The following STXBP5L variants were observed in gnomAD, a reference collection of about 807,000 sequenced individuals.
The protein encoded by STXBP5L is syntaxin binding protein 5L, also known as syntaxin-binding protein 5-like.
A neutral mutation model predicts 144.5 loss-of-function variants in STXBP5L; 65 were observed. That is an observed-to-expected ratio of 0.45 (90% CI 0.37 to 0.55). STXBP5L has a LOEUF of 0.55. Among genes scored for constraint, STXBP5L ranks in the 20% least tolerant of loss-of-function variants. STXBP5L has a pLI of 0.00. For synonymous variants in STXBP5L, 505 were observed against 469.6 expected (o/e 1.08, Z -0.97); for missense variants, 1,298 against 1,405.5 (o/e 0.92, Z 1.22).
At chr3:120,947,473 C>A (rs1710934827) in intron 2 of STXBP5L, among the ~76,000 whole-genome samples, 1 of 151,664 alleles carries the variant, frequency 6.6e-6, no homozygotes, top group Admixed American at 6.6e-5. Flanking sequence ...AAATATAACC[C>A]ACCCACCATA....
chr3:120,927,009 C>A (rs1217300697), intron 2 of STXBP5L, among the ~76,000 whole-genome samples: 1 of 150,670 alleles, frequency 6.6e-6, no homozygotes, highest in East Asian at 1.9e-4. Context: ...GATCTTGGCT[C>A]ACTGCAACCT....
intron 5 of STXBP5L, among the ~76,000 whole-genome samples, chr3:121,057,015 T>G (rs1162203205): frequency 6.6e-6 from 1 of 150,726 alleles, no homozygotes; most frequent in Non-Finnish European, 1.5e-5. Context: ...TTACACACAA[T>G]ATATTGTTAA....
At chr3:120,967,906 A>G (rs7634353) in intron 3 of STXBP5L, among the ~76,000 whole-genome samples, 2 of 152,014 alleles carry the variant, frequency 1.3e-5, no homozygotes, top group African/African-American at 4.8e-5. Flanking sequence ...GATTTTGTAC[A>G]GTTTCTGATA....
chr3:121,210,034 G>T (rs980636614), intron 10 of STXBP5L, among the ~76,000 whole-genome samples: 3 of 152,170 alleles, frequency 2.0e-5, no homozygotes, highest in Non-Finnish European at 4.4e-5. Flanking sequence ...GGTTGAACTA[G>T]TTTACAGTCC....
chr3:121,203,817 G>A (rs1170627454), intron 9 of STXBP5L, among the ~76,000 whole-genome samples: 4 of 152,174 alleles, frequency 2.6e-5, no homozygotes, highest in Non-Finnish European at 5.9e-5. Flanking sequence ...GTGAAGTGCT[G>A]GATGGAAAAG....
chr3:120,912,970 C>T (rs1173825944), intron 2 of STXBP5L, among the ~76,000 whole-genome samples: 1 of 151,912 alleles, frequency 6.6e-6, no homozygotes, highest in Non-Finnish European at 1.5e-5. Flanking sequence ...TACTTTCATA[C>T]GATTGGATAA....
chr3:121,063,774 C>T (rs568740333), intron 5 of STXBP5L, among the ~76,000 whole-genome samples: 4 of 152,156 alleles, frequency 2.6e-5, no homozygotes, highest in East Asian at 1.9e-4. Context: ...AACTTCCTGG[C>T]GGCTTTGTTT....
At chr3:121,348,388 T>C (rs1377733305) in intron 20 of STXBP5L, among the ~76,000 whole-genome samples, 1 of 152,174 alleles carries the variant, frequency 6.6e-6, no homozygotes, top group African/African-American at 2.4e-5. Context: ...TTTGTGTCGA[T>C]GTTCATCAGG....
At position 121,039,746 on chromosome 3, in the gene STXBP5L, TCTTTCTCTTTTTTATTA is replaced by T. The variant is rs371839107; in HGVS notation, c.288-1951_288-1935del. Among the ~76,000 whole-genome samples, 378 of 152,082 alleles carry T rather than the reference TCTTTCTCTTTTTTATTA, an allele frequency of 2.5e-3. 2 individuals carry two copies. Among genetic ancestry groups the T allele is most frequent in the African/African-American group, 8.6e-3 (356 of 41,554 alleles). On this transcript the variant is annotated intron_variant, in intron 3 of 26. Coordinates refer to ENST00000471454, the MANE Select transcript of STXBP5L (RefSeq NM_001308330.2). ...AAAATTTTATCTCTTCTCTCCCTCC[TCTTTCTCTTTTTTATTA>T]CTCAAATTACAACTAATTAGGCCAT...
chr3:121,161,891 A>T (rs960488506), intron 9 of STXBP5L, among the ~76,000 whole-genome samples: 3 of 152,134 alleles, frequency 2.0e-5, no homozygotes, highest in African/African-American at 7.2e-5. Context: ...ATTTTCCTGG[A>T]AATACTAGCC....
At chr3:121,364,754 T>C (rs971443306) in intron 20 of STXBP5L, among the ~76,000 whole-genome samples, 2 of 152,064 alleles carry the variant, frequency 1.3e-5, no homozygotes, top group Non-Finnish European at 2.9e-5. Context: ...CGATTGTTTA[T>C]ATAAAGAAAT....
intron 3 of STXBP5L, among the ~76,000 whole-genome samples, chr3:121,006,375 C>T (rs1428233263): frequency 1.3e-5 from 2 of 151,708 alleles, no homozygotes; most frequent in African/African-American, 2.4e-5. Context: ...GGATTGCAAT[C>T]CCTGCCTTTT....
chr3:120,968,969 A>G (rs1022743464), intron 3 of STXBP5L, among the ~76,000 whole-genome samples: 1 of 151,984 alleles, frequency 6.6e-6, no homozygotes, highest in Non-Finnish European at 1.5e-5. Context: ...TTAGTTCCAT[A>G]TCTTTGCAAT....
rs980300693 is a variant in STXBP5L, at chr3:121,420,469, C to T, written c.*1372C>T. ...CCAAACACTTGTCCCTTATTAAAGA[C>T]TCTTTTAAAGCTGGAATAAAGAATA... On this transcript the variant is annotated 3_prime_UTR_variant, in exon 27 of 27. Coordinates refer to ENST00000471454, the MANE Select transcript of STXBP5L (RefSeq NM_001308330.2). 5.3e-5 allele frequency: 8 copies of T among 152,050 alleles called. No homozygotes were observed. Among genetic ancestry groups the T allele is most frequent in the Non-Finnish European group, 8.8e-5 (6 of 67,994 alleles). The allele number at this position is 152,050 out of a possible 1,614,324, so 9.4% of individuals were successfully genotyped here.
At chr3:121,132,427 C>A (rs778571825) in intron 7 of STXBP5L, among the ~76,000 whole-genome samples, 4 of 152,266 alleles carry the variant, frequency 2.6e-5, no homozygotes, top group Non-Finnish European at 5.9e-5. Context: ...GGGGTCAGCA[C>A]AGAGTGAGAA....
chr3:120,981,473 A>T (rs866252875), intron 3 of STXBP5L, among the ~76,000 whole-genome samples: 18 of 152,054 alleles, frequency 1.2e-4, no homozygotes, highest in Middle Eastern at 3.2e-3. Context: ...GTTCTAGCCT[A>T]TTATTAGGGC....
At position 121,049,961 on chromosome 3, in the gene STXBP5L, G is replaced by A. The variant is rs182390049; in HGVS notation, c.470+4426G>A. Among the ~76,000 whole-genome samples, 268 of 152,210 alleles carry A rather than the reference G, an allele frequency of 1.8e-3. 1 individual carries two copies. Among genetic ancestry groups the A allele is most frequent in the African/African-American group, 6.2e-3 (259 of 41,540 alleles). On this transcript the variant is annotated intron_variant, in intron 5 of 26. Coordinates refer to ENST00000471454, the MANE Select transcript of STXBP5L (RefSeq NM_001308330.2). ...TGATCCTGAGTCCAAGGATGCAAAG[G>A]TCCATGACAGAAGTGTGAATCCCTG...
chr3:121,310,602 G>T (rs550919043), intron 19 of STXBP5L, among the ~76,000 whole-genome samples: 1 of 145,256 alleles, frequency 6.9e-6, no homozygotes, highest in East Asian at 2.1e-4. Context: ...GTGACAGAGG[G>T]AGACTCCGCC....
At chr3:121,247,878 G>T (rs2049907308) in intron 14 of STXBP5L, among the ~76,000 whole-genome samples, 2 of 152,160 alleles carry the variant, frequency 1.3e-5, no homozygotes, top group Non-Finnish European at 2.9e-5. Flanking sequence ...AGTTCTTTGA[G>T]AAATCTCCCA....
Sources: allele counts gnomAD v4.1 joint callset (sites outside exome capture counted in the v4.1 genomes callset), GRCh38; gene constraint gnomAD v4.1.1; transcripts MANE v1.5; gene names NCBI Gene and HGNC (gene_info 2026-07-23, HGNC 2026-07-21).